The following B3GALT1 variants were observed in gnomAD, a reference collection of about 807,000 sequenced individuals.
B3GALT1 encodes UDP-Gal:betaGlcNAc beta 1,3-galactosyltransferase, polypeptide 1.
In B3GALT1, 10 loss-of-function variants were observed where a neutral mutation model predicts 23.2. The observed-to-expected ratio is 0.43, with a 90% CI of 0.27 to 0.73. The LOEUF is 0.73. Among genes scored for constraint, B3GALT1 ranks in the 30% least tolerant of loss-of-function variants. The probability of loss-of-function intolerance (pLI) is 0.21; values close to 1 mark genes in which losing one functional copy is unlikely to be tolerated. For missense variants in B3GALT1, 299 were observed against 405.4 expected (o/e 0.74, Z 2.25); for synonymous variants, 156 against 141.5 (o/e 1.10, Z -0.73).
chr2:167,524,459 T>C (rs1683188875), intron 2 of B3GALT1, among the ~76,000 whole-genome samples: 1 of 152,202 alleles, frequency 6.6e-6, no homozygotes, highest in African/African-American at 2.4e-5. Flanking sequence ...ACTCAGTTCA[T>C]AGCTAATTAA....
chr2:167,625,038 G>A (rs1226324551), intron 2 of B3GALT1, among the ~76,000 whole-genome samples: 1 of 151,974 alleles, frequency 6.6e-6, no homozygotes, highest in Admixed American at 6.6e-5. Context: ...ATAAATCTCA[G>A]GCATGCATCA....
intron 3 of B3GALT1, among the ~76,000 whole-genome samples, chr2:167,770,500 T>C (rs1688055039): frequency 6.6e-6 from 1 of 152,228 alleles, no homozygotes. Context: ...GAGGGTTCTT[T>C]AGATATTCTG....
intron 3 of B3GALT1, among the ~76,000 whole-genome samples, chr2:167,745,220 T>C (rs1687635214): frequency 8.5e-6 from 1 of 118,250 alleles, no homozygotes; most frequent in South Asian, 3.0e-4. Context: ...AATATATTAA[T>C]TCTATTCTAA....
chr2:167,746,365 C>T (rs573873491), intron 3 of B3GALT1, among the ~76,000 whole-genome samples: 1 of 152,310 alleles, frequency 6.6e-6, no homozygotes, highest in East Asian at 1.9e-4. Context: ...CATGCATTTG[C>T]AATCTTACTG....
chr2:167,539,730 T>C (rs533782774), intron 2 of B3GALT1, among the ~76,000 whole-genome samples: 1 of 152,276 alleles, frequency 6.6e-6, no homozygotes, highest in South Asian at 2.1e-4. Context: ...CAGCTTTATT[T>C]GAGGTTATTA....
chr2:167,682,496 C>G (rs931782084), intron 3 of B3GALT1, among the ~76,000 whole-genome samples: 1 of 152,208 alleles, frequency 6.6e-6, no homozygotes, highest in Non-Finnish European at 1.5e-5. Flanking sequence ...TATTATCCCC[C>G]TCTCTTGCTT....
intron 2 of B3GALT1, among the ~76,000 whole-genome samples, chr2:167,566,496 TATA>T (rs567728985): frequency 2.3e-4 from 34 of 150,618 alleles, no homozygotes; most frequent in South Asian, 4.2e-4. Flanking sequence ...AAACTTAAAG[TATA>T]ATAATAATAA....
intron 2 of B3GALT1, among the ~76,000 whole-genome samples, chr2:167,563,272 CAGA>C (rs1558906648): frequency 2.4e-4 from 34 of 143,476 alleles, no homozygotes; most frequent in African/African-American, 5.3e-4. Context: ...GCTGGCCGGG[CAGA>C]GGGGCTCCTC....
Position 167,372,572 on chromosome 2 carries a change from T to C in B3GALT1, c.-511+79238T>C, listed in dbSNP as rs1175440409. On this transcript the variant is annotated intron_variant, in intron 1 of 4. Coordinates refer to ENST00000392690, the MANE Select transcript of B3GALT1 (RefSeq NM_020981.4). ...GAAGAAAGAATAAAAACATAATTGT[T>C]TATTTAGAAAACCCTAAATAGTCTA... Among the ~76,000 whole-genome samples the C allele has an allele frequency of 2.0e-5, 3 of 152,184 alleles. No homozygotes were observed. In the East Asian group the frequency reaches 5.8e-4, roughly 29 times the overall value.
At chr2:167,363,849 A>G (rs1362534886) in intron 1 of B3GALT1, among the ~76,000 whole-genome samples, 1 of 152,076 alleles carries the variant, frequency 6.6e-6, no homozygotes, top group Non-Finnish European at 1.5e-5. Flanking sequence ...TGAATCCATC[A>G]TGTTGTCTGC....
intron 1 of B3GALT1, among the ~76,000 whole-genome samples, chr2:167,330,232 G>A (rs1429867180): frequency 6.6e-6 from 1 of 150,946 alleles, no homozygotes; most frequent in African/African-American, 2.5e-5. Flanking sequence ...GTTTATTTTT[G>A]TCTGACTGGG....
chr2:167,458,340 T>C (rs1699203264), intron 1 of B3GALT1, among the ~76,000 whole-genome samples: 1 of 152,220 alleles, frequency 6.6e-6, no homozygotes, highest in African/African-American at 2.4e-5. Context: ...AACCACATTT[T>C]GCTTATCCAT....
intron 3 of B3GALT1, among the ~76,000 whole-genome samples, chr2:167,654,465 C>T (rs1260787957): frequency 1.3e-5 from 2 of 152,040 alleles, no homozygotes; most frequent in Non-Finnish European, 2.9e-5. Flanking sequence ...AATGTTCTCT[C>T]CTTTGCCAAA....
chr2:167,737,085 A>G (rs941972068), intron 3 of B3GALT1, among the ~76,000 whole-genome samples: 1 of 152,170 alleles, frequency 6.6e-6, no homozygotes, highest in African/African-American at 2.4e-5. Context: ...TCCAATAATT[A>G]CCTTTCCATT....
chr2:167,723,908 A>C (rs1283749462), intron 3 of B3GALT1, among the ~76,000 whole-genome samples: 1 of 152,192 alleles, frequency 6.6e-6, no homozygotes, highest in African/African-American at 2.4e-5. Flanking sequence ...GCCTATAGTC[A>C]TAAGTCTTTT....
rs1687106179 is a variant in B3GALT1 at position 167,714,161 on chromosome 2, CCAGA to C, written c.-352+67199_-352+67202del. 5.3e-6 allele frequency: 8 copies of C among 1,520,426 alleles called. No individual in the cohort carries two copies. The East Asian group carries it at 1.8e-4, about 34-fold the overall frequency. 94.2% of individuals were successfully genotyped at this position (1,520,426 alleles called of 1,614,324 possible). ...ATTAAAACTTCTGAGTTCTGCTGGT[CCAGA>C]CAGTCTATCAGAATTAGAATAAAAT... On this transcript the variant is annotated intron_variant, in intron 3 of 4. Transcript: ENST00000392690.
chr2:167,429,428 T>C lies in B3GALT1; in HGVS notation c.-510-60749T>C, dbSNP rs145782980. Among the ~76,000 whole-genome samples the C allele has an allele frequency of 4.8e-3, 724 of 152,086 alleles. 6 individuals are homozygous for C. The highest frequency in any genetic ancestry group is 0.018 in the East Asian group (94 of 5,184). On this transcript the variant is annotated intron_variant, in intron 1 of 4. Transcript: ENST00000392690. ...AATTTCTGAGTTTCCTAGTGAAGAA[T>C]CCAGATGGAAACAAACATTTTAAAC...
chr2:167,488,753 A>G (rs1251417803), intron 1 of B3GALT1, among the ~76,000 whole-genome samples: 3 of 152,158 alleles, frequency 2.0e-5, no homozygotes, highest in Admixed American at 6.5e-5. Context: ...ATTTCTGTCA[A>G]TTCCTCACAG....
intron 1 of B3GALT1, among the ~76,000 whole-genome samples, chr2:167,385,019 G>A (rs375077805): frequency 6.6e-6 from 1 of 151,912 alleles, no homozygotes; most frequent in South Asian, 2.1e-4. Flanking sequence ...GTATTGTGCC[G>A]AGAATCAGTC....
Sources: allele counts gnomAD v4.1 joint callset (sites outside exome capture counted in the v4.1 genomes callset), GRCh38; gene constraint gnomAD v4.1.1; transcripts MANE v1.5; gene names NCBI Gene and HGNC (gene_info 2026-07-23, HGNC 2026-07-21).